Variants in BBX observed in about 807,000 individuals in gnomAD.
BBX encodes the protein BBX high mobility group box domain containing.
In BBX, 30 loss-of-function variants were observed where a neutral mutation model predicts 100.2. That is an observed-to-expected ratio of 0.30 (90% CI 0.22 to 0.41). The LOEUF is 0.41. Ranked by LOEUF, BBX falls within the 10% of genes least tolerant of loss-of-function variation. The pLI is 1.00. For synonymous variants in BBX, 376 were observed against 388.1 expected (o/e 0.97, Z 0.37); for missense variants, 1,023 against 1,129.8 (o/e 0.91, Z 1.35).
chr3:107,778,607 T>A, intron 13 of BBX, 88 bp downstream of exon 13: 1 of 1,413,732 alleles, frequency 7.1e-7, no homozygotes, highest in Non-Finnish European at 9.6e-7. Flanking sequence ...AGACATATCA[T>A]TGGATTTGGA....
At chr3:107,712,906 C>A (rs2061825958) in intron 4 of BBX, among the ~76,000 whole-genome samples, 1 of 152,154 alleles carries the variant, frequency 6.6e-6, no homozygotes, top group African/African-American at 2.4e-5. Context: ...ATTGAGTCCT[C>A]TTCTCTTTTC....
intron 2 of BBX, among the ~76,000 whole-genome samples, chr3:107,538,862 G>A (rs2048685945): frequency 6.6e-6 from 1 of 151,940 alleles, no homozygotes; most frequent in Non-Finnish European, 1.5e-5. Flanking sequence ...ATAGCCCAGT[G>A]TAGCCTCAAA....
intron 7 of BBX, among the ~76,000 whole-genome samples, chr3:107,737,020 GATA>G (rs2107556942): frequency 6.6e-6 from 1 of 152,150 alleles, no homozygotes; most frequent in Non-Finnish European, 1.5e-5. Flanking sequence ...GGAGCCAGCA[GATA>G]ATGACAGTAA....
At chr3:107,744,923 A>G (rs968715491) in intron 8 of BBX, among the ~76,000 whole-genome samples, 4 of 152,200 alleles carry the variant, frequency 2.6e-5, no homozygotes, top group Admixed American at 2.0e-4. Context: ...CTTATCATTA[A>G]AGTCATACTA....
At chr3:107,778,126 A>G (rs2107820955) in intron 12 of BBX, among the ~76,000 whole-genome samples, 2 of 152,240 alleles carry the variant, frequency 1.3e-5, no homozygotes, top group South Asian at 4.1e-4. Flanking sequence ...AAATATTCTA[A>G]TATTATAAAT....
At chr3:107,757,995 TC>T (rs1370385868) in intron 10 of BBX, among the ~76,000 whole-genome samples, 1 of 152,184 alleles carries the variant, frequency 6.6e-6, no homozygotes, top group Non-Finnish European at 1.5e-5. Context: ...TATCTACCAC[TC>T]CAGGAGTTCC....
chr3:107,789,037 G>A (rs2068714031), intron 13 of BBX, among the ~76,000 whole-genome samples: 1 of 152,118 alleles, frequency 6.6e-6, no homozygotes, highest in African/African-American at 2.4e-5. Flanking sequence ...CATGGGTGGA[G>A]GAACTGACCA....
At chr3:107,527,405 T>G (rs867771881) in intron 2 of BBX, among the ~76,000 whole-genome samples, 13 of 152,210 alleles carry the variant, frequency 8.5e-5, no homozygotes, top group African/African-American at 2.9e-4. Flanking sequence ...ACCTCATCTG[T>G]GGTGTTTCCT....
At chr3:107,688,998 T>C (rs897638922) in intron 3 of BBX, among the ~76,000 whole-genome samples, 3 of 152,186 alleles carry the variant, frequency 2.0e-5, no homozygotes, top group African/African-American at 7.2e-5. Flanking sequence ...ATATTTGCTG[T>C]TAGATTGTGA....
At chr3:107,658,445 T>A (rs932898051) in intron 3 of BBX, among the ~76,000 whole-genome samples, 1 of 152,178 alleles carries the variant, frequency 6.6e-6, no homozygotes, top group Non-Finnish European at 1.5e-5. Flanking sequence ...GAGGAATGAA[T>A]AATAAATTTC....
At chr3:107,734,194 A>C (rs2063497467) in intron 7 of BBX, among the ~76,000 whole-genome samples, 1 of 151,780 alleles carries the variant, frequency 6.6e-6, no homozygotes, top group Non-Finnish European at 1.5e-5. Context: ...TACATTATAA[A>C]AGGTTTTTAT....
chr3:107,671,740 C>G (rs867660320), intron 3 of BBX, among the ~76,000 whole-genome samples: 1 of 152,004 alleles, frequency 6.6e-6, no homozygotes, highest in Non-Finnish European at 1.5e-5. Flanking sequence ...CTCATTGCCT[C>G]CTTGAGAGAC....
chr3:107,649,662 CAT>C (rs1486004453), intron 3 of BBX, among the ~76,000 whole-genome samples: 1 of 152,170 alleles, frequency 6.6e-6, no homozygotes, highest in Admixed American at 6.5e-5. Context: ...TTTTTAAACA[CAT>C]ATGTCCACAC....
At chr3:107,741,544 G>A (rs2064110692) in intron 7 of BBX, among the ~76,000 whole-genome samples, 2 of 151,784 alleles carry the variant, frequency 1.3e-5, no homozygotes, top group South Asian at 2.1e-4. Flanking sequence ...AGCTTCTTGG[G>A]TTTTTTTCTC....
At chr3:107,642,926 C>G (rs1192849855) in intron 2 of BBX, among the ~76,000 whole-genome samples, 4 of 151,986 alleles carry the variant, frequency 2.6e-5, no homozygotes, top group Non-Finnish European at 5.9e-5. Flanking sequence ...ATCTATTACC[C>G]AGAGAATTGA....
intron 15 of BBX, among the ~76,000 whole-genome samples, chr3:107,792,628 G>A (rs1468595808): frequency 6.6e-6 from 1 of 152,142 alleles, no homozygotes; most frequent in Non-Finnish European, 1.5e-5. Context: ...CACATTCACA[G>A]CCTCTATGGA....
At chr3:107,545,425 A>G (rs1011124596) in intron 2 of BBX, among the ~76,000 whole-genome samples, 14 of 152,242 alleles carry the variant, frequency 9.2e-5, no homozygotes. Context: ...TGAAGCTTTT[A>G]TAAATCTTAA....
chr3:107,763,446 T>TC (rs1318793847), intron 10 of BBX, among the ~76,000 whole-genome samples: 1 of 152,124 alleles, frequency 6.6e-6, no homozygotes. Context: ...TATCTTAACA[T>TC]CAGTAGAAAA....
intron 2 of BBX, among the ~76,000 whole-genome samples, chr3:107,610,920 C>T (rs1410457057): frequency 6.6e-6 from 1 of 151,616 alleles, no homozygotes; most frequent in Admixed American, 6.6e-5. Context: ...TTTTGTGGTC[C>T]TCTTTTCTTT....
Sources: allele counts gnomAD v4.1 joint callset (sites outside exome capture counted in the v4.1 genomes callset), GRCh38; gene constraint gnomAD v4.1.1; transcripts MANE v1.5; gene names NCBI Gene and HGNC (gene_info 2026-07-23, HGNC 2026-07-21).